The following PTPRD variants were observed in gnomAD, a reference collection of about 807,000 sequenced individuals.
The protein encoded by PTPRD is receptor-type tyrosine-protein phosphatase delta.
Under a neutral mutation model 214.5 loss-of-function variants are expected in PTPRD, and 34 were observed. The ratio of observed to expected loss-of-function variants is 0.16; its 90% confidence interval spans 0.12 to 0.21. The LOEUF (loss-of-function observed/expected upper bound fraction) is 0.21. Ranked by LOEUF, PTPRD falls within the 10% of genes least tolerant of loss-of-function variation. The pLI is 1.00. For synonymous variants in PTPRD, 1,128 were observed against 845.7 expected, an observed-to-expected ratio of 1.33 and a Z score of -5.79; for missense variants, 2,545 against 2,398.7, an observed-to-expected ratio of 1.06 and a Z score of -1.27.
intron 12 of PTPRD, among the ~76,000 whole-genome samples, chr9:8,733,563 A>G (rs2098683747): frequency 6.6e-6 from 1 of 152,216 alleles, no homozygotes; most frequent in Non-Finnish European, 1.5e-5. Context: ...GAGCAGTTAG[A>G]TGCACAAGAA....
chr9:10,339,361 G>C (rs1265018050), intron 3 of PTPRD, among the ~76,000 whole-genome samples: 1 of 151,574 alleles, frequency 6.6e-6, no homozygotes, highest in Non-Finnish European at 1.5e-5. Flanking sequence ...CTTCCTGTTT[G>C]TTTTGCTCTT....
intron 11 of PTPRD, among the ~76,000 whole-genome samples, chr9:8,750,323 A>C (rs1289277168): frequency 6.6e-6 from 1 of 151,726 alleles, no homozygotes; most frequent in East Asian, 2.0e-4. Flanking sequence ...ACGCCCGGCT[A>C]ATTTTTGTAT....
chr9:8,558,701 G>T (rs541572153), intron 14 of PTPRD, among the ~76,000 whole-genome samples: 1 of 152,202 alleles, frequency 6.6e-6, no homozygotes, highest in African/African-American at 2.4e-5. Context: ...TTTTAGGTCA[G>T]TTGTCATCAC....
At chr9:8,740,514 A>G (rs908434186) in intron 11 of PTPRD, among the ~76,000 whole-genome samples, 1 of 152,214 alleles carries the variant, frequency 6.6e-6, no homozygotes, top group African/African-American at 2.4e-5. Context: ...TCAATTACGG[A>G]AAATATTACT....
chr9:8,801,570 G>C (rs2096571572), intron 11 of PTPRD, among the ~76,000 whole-genome samples: 1 of 152,030 alleles, frequency 6.6e-6, no homozygotes, highest in Non-Finnish European at 1.5e-5. Flanking sequence ...TACAAAATTA[G>C]CCAGGCATGG....
intron 4 of PTPRD, among the ~76,000 whole-genome samples, chr9:9,981,253 G>A: frequency 6.6e-6 from 1 of 151,974 alleles, no homozygotes; most frequent in East Asian, 1.9e-4. Flanking sequence ...TCAGATGGAT[G>A]AGTTTCAAAC....
chr9:9,033,587 T>G (rs925571142), intron 10 of PTPRD, among the ~76,000 whole-genome samples: 1 of 152,152 alleles, frequency 6.6e-6, no homozygotes. Context: ...ATACTAGAGA[T>G]AGATACTTCG....
intron 11 of PTPRD, among the ~76,000 whole-genome samples, chr9:8,850,926 G>T (rs1380690596): frequency 6.6e-6 from 1 of 152,176 alleles, no homozygotes; most frequent in Non-Finnish European, 1.5e-5. Context: ...TTTAAACATT[G>T]AAAACATATG....
intron 2 of PTPRD, among the ~76,000 whole-genome samples, chr9:10,572,241 A>G (rs7025276): frequency 0.29 from 44,313 of 152,044 alleles, 7,443 homozygotes; most frequent in African/African-American, 0.45. Context: ...GAAATACAAT[A>G]AAATGAGTGT....
chr9:10,527,097 A>C (rs937430174), intron 2 of PTPRD, among the ~76,000 whole-genome samples: 9 of 152,188 alleles, frequency 5.9e-5, no homozygotes, highest in African/African-American at 2.2e-4. Flanking sequence ...ATTAGACAAA[A>C]GACAAATACA....
At chr9:10,201,473 A>G (rs1329866986) in intron 3 of PTPRD, among the ~76,000 whole-genome samples, 1 of 152,086 alleles carries the variant, frequency 6.6e-6, no homozygotes, top group African/African-American at 2.4e-5. Context: ...TTATAATATA[A>G]TGTCATTTTA....
chr9:9,140,663 T>C (rs555629646), intron 10 of PTPRD, among the ~76,000 whole-genome samples: 29 of 152,276 alleles, frequency 1.9e-4, no homozygotes, highest in Middle Eastern at 3.4e-3. Flanking sequence ...ACTGCAGGCT[T>C]CGCCTCCCGG....
chr9:9,990,068 C>A (rs145335042), intron 4 of PTPRD, among the ~76,000 whole-genome samples: 1 of 152,176 alleles, frequency 6.6e-6, no homozygotes. Context: ...CTCGGACTTT[C>A]CTCTGAGCTA....
intron 10 of PTPRD, among the ~76,000 whole-genome samples, chr9:9,077,424 TA>T (rs1399930659): frequency 1.3e-5 from 2 of 152,036 alleles, no homozygotes; most frequent in Non-Finnish European, 2.9e-5. Context: ...TTTCCTAATG[TA>T]GTAAGTCTTT....
At chr9:9,709,812 A>G (rs2097692202) in intron 7 of PTPRD, among the ~76,000 whole-genome samples, 1 of 152,080 alleles carries the variant, frequency 6.6e-6, no homozygotes, top group Non-Finnish European at 1.5e-5. Flanking sequence ...TATTTTGTAA[A>G]TTTAGAGATA....
At chr9:10,467,755 G>A (rs1004166891) in intron 2 of PTPRD, among the ~76,000 whole-genome samples, 1 of 152,038 alleles carries the variant, frequency 6.6e-6, no homozygotes, top group Non-Finnish European at 1.5e-5. Context: ...AATATAAAAG[G>A]ATAGCTACAT....
chr9:9,595,691 G>GAATGGAAAACCA (rs1197550717), intron 7 of PTPRD, among the ~76,000 whole-genome samples: 2 of 151,760 alleles, frequency 1.3e-5, no homozygotes, highest in East Asian at 3.9e-4. Context: ...AGTAACACAG[G>GAATGGAAAACCA]AATGGAAAAC....
At chr9:9,572,323 G>A (rs932827218) in intron 8 of PTPRD, among the ~76,000 whole-genome samples, 74 of 151,414 alleles carry the variant, frequency 4.9e-4, no homozygotes, top group African/African-American at 1.8e-3. Flanking sequence ...GCTATGGTTA[G>A]TTTTGAGAAA....
Position 10,196,319 on chromosome 9 carries a change from C to T in PTPRD, c.-545+144644G>A, listed in dbSNP as rs1461133110. 5.3e-5 allele frequency among the ~76,000 whole-genome samples: 8 copies of T among 152,218 alleles called. No homozygotes were observed. In the East Asian group the frequency reaches 1.5e-3, roughly 29 times the overall value. On this transcript the variant is annotated intron_variant, in intron 3 of 45. Coordinates refer to ENST00000381196, the MANE Select transcript of PTPRD (RefSeq NM_002839.4). ...TGATGTCACTAATAAGAGGACCTCA[C>T]TCATAACATTTTCACTTGAATAATA...
Sources: allele counts gnomAD v4.1 joint callset (sites outside exome capture counted in the v4.1 genomes callset), GRCh38; gene constraint gnomAD v4.1.1; transcripts MANE v1.5; gene names NCBI Gene and HGNC (gene_info 2026-07-23, HGNC 2026-07-21).